SYNE2: variants seen among roughly 807,000 people sequenced by gnomAD.
SYNE2 encodes nesprin-2.
SYNE2 carries 431 observed loss-of-function variants against 856.3 expected under a neutral mutation model. That is an observed-to-expected ratio of 0.50 (90% CI 0.47 to 0.55). SYNE2 has a LOEUF of 0.55. SYNE2 is among the 20% of genes least tolerant of loss of function. The pLI is 0.00. For synonymous variants in SYNE2, 2,923 were observed against 2,872.3 expected (o/e 1.02, Z -0.56); for missense variants, 8,129 against 8,023.2 (o/e 1.01, Z -0.50).
intron 1 of SYNE2, among the ~76,000 whole-genome samples, chr14:63,814,893 T>TATATATCC (rs1431293353): frequency 2.2e-5 from 2 of 89,770 alleles, no homozygotes; most frequent in South Asian, 4.1e-4. Context: ...TATATATCCA[T>TATATATCC]ATATATATCC....
At chr14:64,147,256 G>A (rs553764369) in intron 84 of SYNE2, among the ~76,000 whole-genome samples, 4 of 152,116 alleles carry the variant, frequency 2.6e-5, no homozygotes, top group Non-Finnish European at 5.9e-5. Context: ...ACCACCCTCA[G>A]TGCAGGCCTG....
At chr14:64,152,762 T>A in intron 85 of SYNE2, 46 bp downstream of exon 85, 1 of 1,610,930 alleles carries the variant, frequency 6.2e-7, no homozygotes, top group Non-Finnish European at 8.5e-7. Context: ...CACATATTCT[T>A]TTACCTTATT....
In SYNE2 at chr14:64,223,214, G is replaced by A. The variant is rs532853602; in HGVS notation, c.20216G>A (p.Arg6739His). 78 of 1,613,960 alleles carry A rather than the reference G, an allele frequency of 4.8e-5. No individual in the cohort carries two copies. The South Asian group carries it at 7.7e-4, about 16-fold the overall frequency. ...CAACTGGAAAAGGAGCTGGTAGAACGTCAACCTCAAGTGGACATGTTACAG... is the reference window on the plus strand; with the variant it reads ...CAACTGGAAAAGGAGCTGGTAGAACATCAACCTCAAGTGGACATGTTACAG... ...LMQLEKELVE[R>H]QPQVDMLQEI... Residue 6739 changes from arginine (R) to histidine (H), a missense_variant, in exon 113 of 116, where the codon CGT becomes CAT. Arg to His is a conservative substitution (Grantham distance 29). Transcript: ENST00000555002.
At chr14:64,162,318 C>A in intron 88 of SYNE2, 42 bp downstream of exon 88, 1 of 1,594,864 alleles carries the variant, frequency 6.3e-7, no homozygotes, top group South Asian at 1.1e-5. Context: ...CCAAGTCAGC[C>A]CAACAGATGG....
At chr14:63,953,332 C>T (rs954778153) in intron 7 of SYNE2, among the ~76,000 whole-genome samples, 3 of 152,184 alleles carry the variant, frequency 2.0e-5, no homozygotes, top group African/African-American at 4.8e-5. Flanking sequence ...TGAGAAGGAG[C>T]GTCCAAGGAC....
At chr14:64,000,750 C>A in intron 28 of SYNE2, 31 bp downstream of exon 28, 1 of 1,586,218 alleles carries the variant, frequency 6.3e-7, no homozygotes, top group South Asian at 1.1e-5. Context: ...AACTATGAAT[C>A]TAATAAACTC....
At chr14:64,209,648 T>A (rs2098629650) in intron 102 of SYNE2, 70 bp downstream of exon 102, 1 of 1,596,084 alleles carries the variant, frequency 6.3e-7, no homozygotes. Context: ...GCTGCTGAAA[T>A]GACTTCCTCT....
At chr14:64,193,848 T>C (rs1014883808) in intron 99 of SYNE2, among the ~76,000 whole-genome samples, 32 of 152,254 alleles carry the variant, frequency 2.1e-4, no homozygotes, top group Admixed American at 1.8e-3. Context: ...ATTTGAATTC[T>C]TAAAACAACA....
chr14:64,166,530 T>G (rs949211798), intron 90 of SYNE2, among the ~76,000 whole-genome samples: 4 of 152,258 alleles, frequency 2.6e-5, no homozygotes, highest in African/African-American at 9.6e-5. Flanking sequence ...TTTAAGTCCC[T>G]TGCTCTGCTA....
In SYNE2 at chr14:63,831,521, T is replaced by C. The variant is rs556997098; in HGVS notation, c.-304-20980T>C. On this transcript the variant is annotated intron_variant, in intron 1 of 23. Transcript: ENST00000674003. ...TTCATTTCTCATTGACTTCTGGAAA[T>C]AGATAATATTAGAATATAATGTTCA... 2.7e-5 allele frequency among the ~76,000 whole-genome samples: 4 copies of C among 150,710 alleles called. No homozygotes were observed. The East Asian group carries it at 7.8e-4, about 29-fold the overall frequency.
chr14:64,035,821 A>G (rs1256145047), intron 45 of SYNE2, among the ~76,000 whole-genome samples: 3 of 150,648 alleles, frequency 2.0e-5, no homozygotes, highest in Non-Finnish European at 4.4e-5. Context: ...TAGCCTCCTG[A>G]GTAGTAGGAC....
chr14:64,003,615 G>A (rs1370758435), intron 30 of SYNE2, among the ~76,000 whole-genome samples: 2 of 152,150 alleles, frequency 1.3e-5, no homozygotes, highest in Admixed American at 6.5e-5. Flanking sequence ...AGTTACTTCC[G>A]ATTCCCTTGT....
chr14:63,916,340 TG>T (rs1466333098), intron 2 of SYNE2, among the ~76,000 whole-genome samples: 15 of 152,210 alleles, frequency 9.9e-5, no homozygotes, highest in Non-Finnish European at 2.2e-4. Flanking sequence ...TGAAACAGTT[TG>T]GTCAGAACTT....
intron 78 of SYNE2, 36 bp downstream of exon 78, chr14:64,134,236 C>A (rs1397079184): frequency 1.2e-6 from 2 of 1,609,574 alleles, no homozygotes; most frequent in Admixed American, 3.3e-5. Flanking sequence ...AAAGGCGTGT[C>A]CATAGCACTT....
At chr14:63,846,394 C>G (rs12432760) in intron 1 of SYNE2, among the ~76,000 whole-genome samples, 1 of 151,896 alleles carries the variant, frequency 6.6e-6, no homozygotes, top group Middle Eastern at 3.4e-3. Context: ...TTTGGCCGTT[C>G]TTTCATTTTT....
At chr14:64,154,577 G>T (rs1406962471) in intron 85 of SYNE2, among the ~76,000 whole-genome samples, 1 of 152,060 alleles carries the variant, frequency 6.6e-6, no homozygotes. Flanking sequence ...CAGATCGCTT[G>T]AATTCAGCAG....
chr14:64,224,178 C>G lies in SYNE2; in HGVS notation c.20383-283C>G, dbSNP rs539104500. Among the ~76,000 whole-genome samples the G allele has an allele frequency of 1.8e-3, 144 of 78,382 alleles. 5 individuals are homozygous for G. In the East Asian group the frequency reaches 0.036, roughly 20 times the overall value. The allele number at this position is 78,382 out of a possible 152,430, so 51.4% of individuals were successfully genotyped here. A position where few individuals can be genotyped will look rare whatever the true frequency, so the allele number is the denominator to read the frequency against. On this transcript the variant is annotated intron_variant, in intron 113 of 115. Coordinates refer to ENST00000555002, the MANE Select transcript of SYNE2 (RefSeq NM_182914.3). ...TGGGCAACATGGTGAAATCCCGTCT[C>G]TGCAAAAAAAAAAAAAAAAAAAAAT...
At chr14:63,898,577 G>GT (rs550495364) in intron 1 of SYNE2, among the ~76,000 whole-genome samples, 129 of 150,160 alleles carry the variant, frequency 8.6e-4, no homozygotes, top group Middle Eastern at 3.4e-3. Flanking sequence ...GTTAATTTTT[G>GT]TTTTTTTTTG....
chr14:63,815,502 G>A (rs1311463114), intron 1 of SYNE2, among the ~76,000 whole-genome samples: 3 of 151,804 alleles, frequency 2.0e-5, no homozygotes, highest in African/African-American at 7.3e-5. Flanking sequence ...ATTAGATGGT[G>A]CCCACCCAGA....
Sources: gnomAD v4.1 joint callset for allele counts (sites outside exome capture counted in the v4.1 genomes callset) on GRCh38, gnomAD v4.1.1 for gene constraint, MANE v1.5 for transcripts, NCBI Gene and HGNC (gene_info 2026-07-23, HGNC 2026-07-21) for gene names.